Variants in GRID2 observed in about 807,000 individuals in gnomAD.
The protein encoded by GRID2 is glutamate ionotropic receptor delta type subunit 2, also known as glutamate receptor ionotropic, delta-2.
Under a neutral mutation model 114.8 loss-of-function variants are expected in GRID2, and 33 were observed. That is an observed-to-expected ratio of 0.29 (90% CI 0.22 to 0.38). The LOEUF (loss-of-function observed/expected upper bound fraction) is 0.38, where lower values mean the gene tolerates loss of function less well. Among genes scored for constraint, GRID2 ranks in the 10% least tolerant of loss-of-function variants. The pLI is 1.00. For missense variants in GRID2, 1,184 were observed against 1,257.7 expected, an observed-to-expected ratio of 0.94 and a Z score of 0.89; for synonymous variants, 505 against 449.9, an observed-to-expected ratio of 1.12 and a Z score of -1.55.
At chr4:93,571,340 C>T (rs907324492) in intron 13 of GRID2, among the ~76,000 whole-genome samples, 2 of 151,834 alleles carry the variant, frequency 1.3e-5, no homozygotes, top group African/African-American at 4.8e-5. Flanking sequence ...GGAAGAAATG[C>T]ATATAATGTA....
intron 2 of GRID2, among the ~76,000 whole-genome samples, chr4:92,783,962 G>A (rs1194813010): frequency 6.6e-6 from 1 of 151,568 alleles, no homozygotes; most frequent in Non-Finnish European, 1.5e-5. Context: ...TTGGTAATTG[G>A]GAAAAATTTT....
intron 8 of GRID2, among the ~76,000 whole-genome samples, chr4:93,298,503 C>T (rs1754544616): frequency 6.6e-6 from 1 of 152,200 alleles, no homozygotes; most frequent in Admixed American, 6.5e-5. Context: ...TAATTTACCT[C>T]CCAAAGACCC....
intron 1 of GRID2, among the ~76,000 whole-genome samples, chr4:92,543,838 A>G (rs540170664): frequency 2.0e-4 from 30 of 152,212 alleles, no homozygotes; most frequent in Admixed American, 4.6e-4. Flanking sequence ...AGCAGAAATC[A>G]ACAGATCATT....
intron 2 of GRID2, among the ~76,000 whole-genome samples, chr4:92,896,274 T>C (rs1747159689): frequency 6.6e-6 from 1 of 152,184 alleles, no homozygotes; most frequent in Middle Eastern, 3.2e-3. Context: ...CCTCTGGGGT[T>C]GTATTCAACG....
At chr4:93,030,058 G>A (rs1226339040) in intron 2 of GRID2, among the ~76,000 whole-genome samples, 3 of 152,098 alleles carry the variant, frequency 2.0e-5, no homozygotes, top group African/African-American at 7.2e-5. Flanking sequence ...AAGCCATTTA[G>A]TACTACATAT....
intron 3 of GRID2, among the ~76,000 whole-genome samples, chr4:93,089,636 G>T (rs1272985976): frequency 2.0e-5 from 3 of 152,050 alleles, no homozygotes; most frequent in African/African-American, 4.8e-5. Context: ...CCAAATTTGA[G>T]AGTGCAATAT....
chr4:93,180,034 G>A (rs891113054), intron 4 of GRID2, among the ~76,000 whole-genome samples: 1 of 151,948 alleles, frequency 6.6e-6, no homozygotes, highest in Non-Finnish European at 1.5e-5. Flanking sequence ...CTTTTTAAAC[G>A]AAGAAAAAAG....
intron 1 of GRID2, among the ~76,000 whole-genome samples, chr4:92,391,497 C>T (rs1178926623): frequency 1.3e-5 from 2 of 151,938 alleles, no homozygotes; most frequent in Non-Finnish European, 2.9e-5. Context: ...ACCATTCATA[C>T]TGTATATCAT....
chr4:92,542,804 G>A (rs1726044068), intron 1 of GRID2, among the ~76,000 whole-genome samples: 1 of 151,914 alleles, frequency 6.6e-6, no homozygotes, highest in South Asian at 2.1e-4. Flanking sequence ...AAAATGCTAA[G>A]ATGGCATAAA....
At chr4:92,825,195 A>G (rs1741600731) in intron 2 of GRID2, among the ~76,000 whole-genome samples, 1 of 152,146 alleles carries the variant, frequency 6.6e-6, no homozygotes, top group South Asian at 2.1e-4. Flanking sequence ...AAACCAGGGT[A>G]CAACTAGCCT....
intron 2 of GRID2, among the ~76,000 whole-genome samples, chr4:93,074,873 TGAA>T (rs1476218285): frequency 6.6e-6 from 1 of 152,096 alleles, no homozygotes; most frequent in African/African-American, 2.4e-5. Flanking sequence ...ACAACTTAGA[TGAA>T]GAAGGCAAAT....
chr4:93,183,510 C>T (rs776853713), intron 4 of GRID2, among the ~76,000 whole-genome samples: 4 of 152,134 alleles, frequency 2.6e-5, no homozygotes, highest in Non-Finnish European at 5.9e-5. Context: ...AATAGAGGGT[C>T]CATTAGGGAT....
In GRID2 at chr4:93,608,045, T is replaced by TAC. The variant is rs1325755015; in HGVS notation, c.2194-18223_2194-18222insCA. Reference sequence around the variant, plus strand: ...TATAAACCAAATGTCTAACTTTACATATATATATATATACGTATATAAGTA... The same window carrying TAC: ...TATAAACCAAATGTCTAACTTTACATACATATATATATATACGTATATAAGTA... On this transcript the variant is annotated intron_variant, in intron 13 of 15. Coordinates refer to ENST00000282020, the MANE Select transcript of GRID2 (RefSeq NM_001510.4). 3.4e-5 allele frequency among the ~76,000 whole-genome samples: 5 copies of TAC among 147,900 alleles called. No homozygotes were observed. The East Asian group carries it at 9.8e-4, about 29-fold the overall frequency.
chr4:92,654,098 G>C (rs1418331123), intron 2 of GRID2, among the ~76,000 whole-genome samples: 1 of 151,954 alleles, frequency 6.6e-6, no homozygotes, highest in South Asian at 2.1e-4. Flanking sequence ...TAGTGATCTT[G>C]GGTGGCTATA....
At chr4:92,913,910 C>A (rs1031303115) in intron 2 of GRID2, among the ~76,000 whole-genome samples, 2 of 151,926 alleles carry the variant, frequency 1.3e-5, no homozygotes, top group African/African-American at 4.8e-5. Flanking sequence ...GTGGATAGTA[C>A]GTTCTACTTG....
At chr4:93,584,300 A>G (rs1737319971) in intron 13 of GRID2, among the ~76,000 whole-genome samples, 1 of 152,194 alleles carries the variant, frequency 6.6e-6, no homozygotes, top group Non-Finnish European at 1.5e-5. Context: ...TGGTTAATAA[A>G]TAAAACTGGG....
At chr4:92,312,504 G>A (rs74434309) in intron 1 of GRID2, among the ~76,000 whole-genome samples, 2 of 152,190 alleles carry the variant, frequency 1.3e-5, no homozygotes, top group East Asian at 3.9e-4. Context: ...TCCAGAGAAA[G>A]TAAAGAGGCT....
intron 4 of GRID2, among the ~76,000 whole-genome samples, chr4:93,146,532 A>G (rs1176338750): frequency 6.6e-6 from 1 of 152,054 alleles, no homozygotes; most frequent in Non-Finnish European, 1.5e-5. Flanking sequence ...CATGTGCACA[A>G]AGAGTGATAA....
intron 1 of GRID2, among the ~76,000 whole-genome samples, chr4:92,494,900 C>T (rs994913756): frequency 2.6e-5 from 4 of 151,936 alleles, no homozygotes; most frequent in African/African-American, 9.7e-5. Context: ...TTTCACTTTA[C>T]ATTTTCCTCC....
Sources: allele counts gnomAD v4.1 joint callset (sites outside exome capture counted in the v4.1 genomes callset), GRCh38; gene constraint gnomAD v4.1.1; transcripts MANE v1.5; gene names NCBI Gene and HGNC (gene_info 2026-07-23, HGNC 2026-07-21).